The following ACTN1 variants were observed in gnomAD, a reference collection of about 807,000 sequenced individuals.
The protein encoded by ACTN1 is actinin alpha 1.
A neutral mutation model predicts 119.6 loss-of-function variants in ACTN1; 30 were observed. That is an observed-to-expected ratio of 0.25 (90% CI 0.19 to 0.34). The LOEUF (loss-of-function observed/expected upper bound fraction) is 0.34, where lower values mean the gene tolerates loss of function less well. ACTN1 is among the 10% of genes least tolerant of loss of function. ACTN1 has a pLI of 1.00. For missense variants in ACTN1, 764 were observed against 1,223.4 expected (o/e 0.62, Z 5.60); for synonymous variants, 429 against 472.6 (o/e 0.91, Z 1.20).
intron 1 of ACTN1, chr14:68,936,463 T>G: frequency 1.3e-5 from 4 of 312,380 alleles, no homozygotes; most frequent in South Asian, 3.8e-5. Flanking sequence ...AGAATATGCT[T>G]TTGTTTGAGT....
Position 68,883,628 on chromosome 14 carries a change from A to G in ACTN1, c.1635+540T>C, listed in dbSNP as rs114742064. Among the ~76,000 whole-genome samples, 1,379 of 152,242 alleles carry G rather than the reference A, an allele frequency of 9.1e-3. 19 individuals carry two copies. The highest frequency in any genetic ancestry group is 0.032 in the African/African-American group (1,318 of 41,518). ...CTTCCACAAAAATAAAAATTAAAAA[A>G]TTAGCCAGGCATGGTGATGTGAGCC... On this transcript the variant is annotated intron_variant, in intron 14 of 21. Transcript: ENST00000394419.
intron 1 of ACTN1, among the ~76,000 whole-genome samples, chr14:68,947,827 C>T (rs182032549): frequency 1.2e-4 from 18 of 152,318 alleles, no homozygotes; most frequent in Non-Finnish European, 2.4e-4. Context: ...AATAGCAATC[C>T]GGAGCAGTGG....
chr14:68,959,215 C>T (rs1458849360), intron 1 of ACTN1, among the ~76,000 whole-genome samples: 2 of 152,190 alleles, frequency 1.3e-5, no homozygotes, highest in Non-Finnish European at 2.9e-5. Flanking sequence ...GGACTTGTGC[C>T]TCTCTGAGGT....
Position 68,878,306 on chromosome 14 carries a change from G to T in ACTN1, c.2427+152C>A. The T allele has an allele frequency of 8.5e-7, 1 of 1,182,536 alleles. No homozygotes were observed. The highest frequency in any genetic ancestry group is 1.1e-6 in the Non-Finnish European group (1 of 875,912). 73.3% of individuals were successfully genotyped at this position (1,182,536 alleles called of 1,614,324 possible). On this transcript the variant is annotated intron_variant, in intron 20 of 21. Transcript: ENST00000394419. The surrounding 1 kb of genome is among the most constrained non-coding windows in gnomAD (Gnocchi z 4.4). The stretch of plus-strand genomic sequence containing the variant: ...CCGTGGCCGGGCCGGCTTTCAGGGA[G>T]CCATCTTCCCCAAGGACATGGGCCC...
chr14:68,885,858 C>T lies in ACTN1; in HGVS notation c.1235-283G>A, dbSNP rs1192432817. ...CTGTGGGAATGCATAGGGCATGACG[C>T]TATACACACAGCGGGAAACACAGCC... On this transcript the variant is annotated intron_variant, in intron 11 of 21. Coordinates refer to ENST00000394419, the MANE Select transcript of ACTN1 (RefSeq NM_001130004.2). This position sits in a 1 kb window ranked among gnomAD's most constrained non-coding sequence, Gnocchi z 5.6. 6 of 348,062 alleles carry T rather than the reference C, an allele frequency of 1.7e-5. No homozygotes were observed. In the Admixed American group the frequency reaches 2.0e-4, roughly 12 times the overall value. 21.6% of individuals were successfully genotyped at this position (348,062 alleles called of 1,614,324 possible).
At chr14:68,961,118 T>A (rs553782376) in intron 1 of ACTN1, among the ~76,000 whole-genome samples, 1 of 152,228 alleles carries the variant, frequency 6.6e-6, no homozygotes, top group Admixed American at 6.5e-5. Flanking sequence ...TTTTAATATA[T>A]CCACCTCAAA....
At chr14:68,935,332 G>A (rs1403021416) in intron 1 of ACTN1, among the ~76,000 whole-genome samples, 4 of 148,930 alleles carry the variant, frequency 2.7e-5, no homozygotes, top group African/African-American at 9.9e-5. Context: ...CAATGTGGTT[G>A]GTTTTTATGA....
At position 68,910,046 on chromosome 14, in the gene ACTN1, T is replaced by G. The variant is rs760980196; in HGVS notation, c.428-4A>C. The stretch of plus-strand genomic sequence containing the variant: ...AGCCCTTCCTTGGCTGAAGTCTCTA[T>G]GGGGAAGGGGATGGGCAGCGAGGTC... On this transcript the variant is annotated splice_polypyrimidine_tract_variant and splice_region_variant and intron_variant, in intron 4 of 21. Coordinates refer to ENST00000394419, the MANE Select transcript of ACTN1 (RefSeq NM_001130004.2). 1 of 1,613,026 alleles carries G rather than the reference T, an allele frequency of 6.2e-7. No individual in the cohort carries two copies. The highest frequency in any genetic ancestry group is 2.2e-5 in the East Asian group (1 of 44,856).
Position 68,880,069 on chromosome 14 carries a change from C to T in ACTN1, c.2173G>A (p.Ala725Thr), listed in dbSNP as rs201419872. 1.9e-6 allele frequency: 3 copies of T among 1,614,138 alleles called. No individual in the cohort carries two copies. Among genetic ancestry groups the T allele is most frequent in the Admixed American group, 1.7e-5 (1 of 60,022 alleles). Reference sequence around the variant, plus strand: ...TTCTCTACCTCATTGATGGTCCTGGCGATGGTGGTGAGCAGCTGCTCCCAG... The same window carrying T: ...TTCTCTACCTCATTGATGGTCCTGGTGATGGTGGTGAGCAGCTGCTCCCAG... Reference protein sequence around the residue: ...VGWEQLLTTIARTINEVENQI... With the variant: ...VGWEQLLTTITRTINEVENQI... The change falls in exon 18 of 22, where the codon GCC becomes ACC. Residue 725 changes from alanine to threonine, a missense_variant. Coordinates refer to ENST00000394419, the MANE Select transcript of ACTN1 (RefSeq NM_001130004.2). The surrounding 1 kb of genome is among the most constrained non-coding windows in gnomAD (Gnocchi z 4.6).
Position 68,885,846 on chromosome 14 carries a change from T to C in ACTN1, c.1235-271A>G, listed in dbSNP as rs560073454. ...CTATGCAGGAGTCTGTGGGAATGCATAGGGCATGACGCTATACACACAGCG... is the reference window on the plus strand; with the variant it reads ...CTATGCAGGAGTCTGTGGGAATGCACAGGGCATGACGCTATACACACAGCG... On this transcript the variant is annotated intron_variant, in intron 11 of 21. Transcript: ENST00000394419. This position sits in a 1 kb window ranked among gnomAD's most constrained non-coding sequence, Gnocchi z 5.6. The C allele has an allele frequency of 4.5e-5, 20 of 449,400 alleles. No individual in the cohort carries two copies. Among genetic ancestry groups the C allele is most frequent in the East Asian group, 7.4e-5 (2 of 27,122 alleles). The allele number at this position is 449,400 out of a possible 1,614,324, so 27.8% of individuals were successfully genotyped here.
chr14:68,948,264 C>T (rs1194973517), intron 1 of ACTN1, among the ~76,000 whole-genome samples: 1 of 152,218 alleles, frequency 6.6e-6, no homozygotes, highest in African/African-American at 2.4e-5. Flanking sequence ...TTACTCTTCA[C>T]AACAAGCTTA....
intron 1 of ACTN1, chr14:68,973,645 G>A (rs2036966411): frequency 6.6e-6 from 1 of 152,260 alleles, no homozygotes; most frequent in Admixed American, 6.5e-5. Context: ...GGAGGAAGAA[G>A]GGGTTCCAGG....
chr14:68,922,461 C>CG (rs1398241453), intron 2 of ACTN1, among the ~76,000 whole-genome samples: 2 of 152,206 alleles, frequency 1.3e-5, no homozygotes, highest in Non-Finnish European at 2.9e-5. Context: ...ATTTCCTGTC[C>CG]GGGGGGAGAT....
Position 68,881,955 on chromosome 14 carries a change from T to TTTTTTTGA in ACTN1, c.1953+502_1953+503insTCAAAAAA, listed in dbSNP as rs58500225. On this transcript the variant is annotated intron_variant, in intron 16 of 21. Coordinates refer to ENST00000394419, the MANE Select transcript of ACTN1 (RefSeq NM_001130004.2). Reference sequence around the variant, plus strand: ...CAGCTTCTTTTTTTTTTTTTTTTTTTGACAGAGTCTTGCTCTGTTGCCCAA... The same window carrying TTTTTTTGA: ...CAGCTTCTTTTTTTTTTTTTTTTTTTTTTTTTGAGACAGAGTCTTGCTCTGTTGCCCAA... Among the ~76,000 whole-genome samples the TTTTTTTGA allele has an allele frequency of 9.0e-3, 925 of 102,850 alleles. 119 individuals are homozygous for TTTTTTTGA. The highest frequency in any genetic ancestry group is 0.019 in the African/African-American group (438 of 22,852). 67.5% of individuals were successfully genotyped at this position (102,850 alleles called of 152,430 possible). A position where few individuals can be genotyped will look rare whatever the true frequency, so the allele number is the denominator to read the frequency against.
intron 7 of ACTN1, among the ~76,000 whole-genome samples, chr14:68,903,722 G>C (rs1471697736): frequency 6.6e-6 from 1 of 152,126 alleles, no homozygotes; most frequent in African/African-American, 2.4e-5. Flanking sequence ...GCGGAGGTGG[G>C]ACAAGACCCA....
In ACTN1 at chr14:68,977,401, G is replaced by A. The variant is rs75996879; in HGVS notation, c.105+1551C>T. On this transcript the variant is annotated intron_variant, in intron 1 of 21. Transcript: ENST00000394419. ...ACTAGGAAGATGACAGGAAGAGGGG[G>A]AGTTTAAGCAACTGGCACATTACAA... 8.4e-3 allele frequency: 1,281 copies of A among 153,186 alleles called. 8 individuals carry two copies. Among genetic ancestry groups the A allele is most frequent in the Non-Finnish European group, 0.015 (1,037 of 68,568 alleles). The allele number at this position is 153,186 out of a possible 1,614,324, so 9.5% of individuals were successfully genotyped here.
chr14:68,878,014 T>A lies in ACTN1; in HGVS notation c.2427+444A>T, dbSNP rs1167228942. The A allele has an allele frequency of 6.4e-6, 1 of 156,592 alleles. No homozygotes were observed. Among genetic ancestry groups the A allele is most frequent in the Admixed American group, 6.0e-5 (1 of 16,766 alleles). The allele number at this position is 156,592 out of a possible 1,614,324, so 9.7% of individuals were successfully genotyped here. On this transcript the variant is annotated intron_variant, in intron 20 of 21. Transcript: ENST00000394419. The surrounding 1 kb of genome is among the most constrained non-coding windows in gnomAD (Gnocchi z 4.4). ...TGCAAGGGGGGACAGACTAGGAAGG[T>A]TGGGGGGTGGGGGACGGCCTGGGAC...
At chr14:68,958,046 C>T (rs2036409496) in intron 1 of ACTN1, among the ~76,000 whole-genome samples, 1 of 152,188 alleles carries the variant, frequency 6.6e-6, no homozygotes, top group South Asian at 2.1e-4. Context: ...CACCGAAGCG[C>T]ATCAGCCCGG....
At position 68,885,802 on chromosome 14, in the gene ACTN1, A is replaced by G. The variant is rs2031953877; in HGVS notation, c.1235-227T>C. On this transcript the variant is annotated intron_variant, in intron 11 of 21. Coordinates refer to ENST00000394419, the MANE Select transcript of ACTN1 (RefSeq NM_001130004.2). The surrounding 1 kb of genome is among the most constrained non-coding windows in gnomAD (Gnocchi z 5.6). ...CCTCAGAGCACTTCCAAGGCCATGAAAGTGTCTACGCAGGAAGGCTATGCA... is the reference window on the plus strand; with the variant it reads ...CCTCAGAGCACTTCCAAGGCCATGAGAGTGTCTACGCAGGAAGGCTATGCA... The G allele has an allele frequency of 1.8e-6, 1 of 554,126 alleles. No homozygotes were observed. The highest frequency in any genetic ancestry group is 1.9e-5 in the African/African-American group (1 of 53,296). 34.3% of individuals were successfully genotyped at this position (554,126 alleles called of 1,614,324 possible).
Sources: allele counts gnomAD v4.1 joint callset (sites outside exome capture counted in the v4.1 genomes callset), GRCh38; gene constraint gnomAD v4.1.1; non-coding constraint Gnocchi (gnomAD v3.1); transcripts MANE v1.5; gene names NCBI Gene and HGNC (gene_info 2026-07-23, HGNC 2026-07-21).